GRHL2: variants seen among roughly 807,000 people sequenced by gnomAD.
GRHL2 encodes the protein grainyhead like transcription factor 2, also known as grainyhead-like protein 2 homolog.
Under a neutral mutation model 83.8 loss-of-function variants are expected in GRHL2, and 21 were observed. The ratio of observed to expected loss-of-function variants is 0.25; its 90% CI spans 0.18 to 0.36. The LOEUF is 0.36. Ranked by LOEUF, GRHL2 falls within the 10% of genes least tolerant of loss-of-function variation. The probability of loss-of-function intolerance (pLI) is 1.00; values close to 1 mark genes in which losing one functional copy is unlikely to be tolerated. For synonymous variants in GRHL2, 280 were observed against 278.9 expected (o/e 1.00, Z -0.04); for missense variants, 623 against 781.8 (o/e 0.80, Z 2.42).
intron 9 of GRHL2, among the ~76,000 whole-genome samples, chr8:101,620,791 C>T (rs1017295238): frequency 2.6e-5 from 4 of 152,036 alleles, no homozygotes; most frequent in Non-Finnish European, 4.4e-5. Flanking sequence ...ATGTGAGACT[C>T]GGGTGGGAGG....
At chr8:101,535,526 C>T (rs1811027624) in intron 1 of GRHL2, among the ~76,000 whole-genome samples, 2 of 151,934 alleles carry the variant, frequency 1.3e-5, no homozygotes, top group African/African-American at 2.4e-5. Context: ...TGACAGTTTT[C>T]CTTTTTCTCT....
chr8:101,643,737 C>G (rs956706460), intron 12 of GRHL2, among the ~76,000 whole-genome samples: 1 of 152,264 alleles, frequency 6.6e-6, no homozygotes, highest in Non-Finnish European at 1.5e-5. Context: ...GGCAGGCCAC[C>G]CAGGCCTCAG....
intron 4 of GRHL2, among the ~76,000 whole-genome samples, chr8:101,564,166 G>A (rs1811665948): frequency 6.6e-6 from 1 of 152,104 alleles, no homozygotes; most frequent in Non-Finnish European, 1.5e-5. Context: ...TCCTTGTCTT[G>A]GAAATCAGTG....
chr8:101,596,467 T>G (rs1362922596), intron 7 of GRHL2, among the ~76,000 whole-genome samples: 108 of 152,200 alleles, frequency 7.1e-4, no homozygotes, highest in Non-Finnish European at 1.3e-4. Context: ...CATATATGAA[T>G]TTTTAGCTGT....
chr8:101,625,090 A>C (rs1262133958), intron 9 of GRHL2, among the ~76,000 whole-genome samples: 1 of 152,136 alleles, frequency 6.6e-6, no homozygotes, highest in Non-Finnish European at 1.5e-5. Flanking sequence ...TAAAGCACAA[A>C]TAAGGAAGCA....
At chr8:101,673,162 C>T (rs1814236349), downstream of GRHL2, among the ~76,000 whole-genome samples, 1 of 151,190 alleles carries the variant, frequency 6.6e-6, no homozygotes, top group Non-Finnish European at 1.5e-5. Context: ...GCAAAATAAC[C>T]AGCTAACATC....
intron 1 of GRHL2, among the ~76,000 whole-genome samples, chr8:101,507,258 G>T (rs1810359453): frequency 6.6e-6 from 1 of 151,930 alleles, no homozygotes; most frequent in Non-Finnish European, 1.5e-5. Flanking sequence ...AATGTTCAGA[G>T]GTTTAAATTT....
intron 1 of GRHL2, among the ~76,000 whole-genome samples, chr8:101,532,076 C>T (rs1458861252): frequency 6.6e-6 from 1 of 152,234 alleles, no homozygotes; most frequent in Non-Finnish European, 1.5e-5. Context: ...ATTCATTTCA[C>T]TTCTAACATG....
intron 9 of GRHL2, among the ~76,000 whole-genome samples, chr8:101,624,414 C>T (rs368383069): frequency 1.5e-5 from 2 of 137,264 alleles, no homozygotes; most frequent in East Asian, 2.1e-4. Flanking sequence ...AGACAGTTCA[C>T]ATTACACAGT....
chr8:101,629,352 T>C (rs1169623250), intron 9 of GRHL2, among the ~76,000 whole-genome samples: 1 of 152,030 alleles, frequency 6.6e-6, no homozygotes, highest in African/African-American at 2.4e-5. Flanking sequence ...GGTATGTACA[T>C]TTTTTAGACA....
chr8:101,605,883 T>A (rs1812623067), intron 8 of GRHL2, among the ~76,000 whole-genome samples: 1 of 152,220 alleles, frequency 6.6e-6, no homozygotes, highest in Non-Finnish European at 1.5e-5. Flanking sequence ...ACACATCTAT[T>A]CTTCATTTCC....
At chr8:101,673,407 C>A (rs1335258034), downstream of GRHL2, among the ~76,000 whole-genome samples, 2 of 151,978 alleles carry the variant, frequency 1.3e-5, no homozygotes, top group African/African-American at 2.4e-5. Context: ...CAATCCTAAT[C>A]TCTGATAAAA....
chr8:101,675,073 T>C, the GRHL2 span, among the ~76,000 whole-genome samples: 371 of 151,902 alleles, frequency 2.4e-3, 1 homozygote, highest in Non-Finnish European at 3.9e-3. Context: ...ATAATAAGAG[T>C]TATCTATGAC....
intron 1 of GRHL2, among the ~76,000 whole-genome samples, chr8:101,515,011 C>G (rs1035462628): frequency 6.9e-6 from 1 of 144,724 alleles, no homozygotes; most frequent in Non-Finnish European, 1.5e-5. Flanking sequence ...TCCCTTCCTT[C>G]CCCCCTTCAT....
chr8:101,665,028 T>C (rs1360255479), intron 15 of GRHL2, among the ~76,000 whole-genome samples: 5 of 152,134 alleles, frequency 3.3e-5, no homozygotes, highest in Non-Finnish European at 5.9e-5. Flanking sequence ...AGGTTTGGGG[T>C]CCCTTCCTAA....
downstream of GRHL2, chr8:101,669,868 T>TAA (rs1471597614): frequency 6.6e-6 from 1 of 152,174 alleles, no homozygotes; most frequent in African/African-American, 2.4e-5. Flanking sequence ...GATTTCCTGG[T>TAA]AAAGTTACTT....
At chr8:101,547,173 G>A (rs186959786) in intron 2 of GRHL2, among the ~76,000 whole-genome samples, 12 of 152,226 alleles carry the variant, frequency 7.9e-5, no homozygotes, top group Admixed American at 1.3e-4. Flanking sequence ...AAAGTTAAAT[G>A]TCCCTTGAGG....
chr8:101,606,904 A>T (rs1052549641), intron 8 of GRHL2, among the ~76,000 whole-genome samples: 4 of 152,222 alleles, frequency 2.6e-5, no homozygotes, highest in Non-Finnish European at 5.9e-5. Flanking sequence ...AGATGGTGAG[A>T]ACTGCAGGGC....
chr8:101,534,925 T>A (rs1811011165), intron 1 of GRHL2, among the ~76,000 whole-genome samples: 1 of 152,216 alleles, frequency 6.6e-6, no homozygotes, highest in Non-Finnish European at 1.5e-5. Context: ...TATCTTGCTC[T>A]TCTCTAATCC....
Sources: allele counts gnomAD v4.1 joint callset (sites outside exome capture counted in the v4.1 genomes callset), GRCh38; gene constraint gnomAD v4.1.1; transcripts MANE v1.5; gene names NCBI Gene and HGNC (gene_info 2026-07-23, HGNC 2026-07-21).